HIC2: variants seen among roughly 807,000 people sequenced by gnomAD.
HIC2 encodes HIC ZBTB transcriptional repressor 2.
Under a neutral mutation model 39.5 loss-of-function variants are expected in HIC2, and 2 were observed. That is an observed-to-expected ratio of 0.05 (90% CI 0.02 to 0.16). The LOEUF is 0.16. Among genes scored for constraint, HIC2 ranks in the 10% least tolerant of loss-of-function variants. The pLI, the probability that HIC2 is intolerant of heterozygous loss-of-function variation, is 1.00. For synonymous variants in HIC2, 399 were observed against 368.8 expected (o/e 1.08, Z -0.94); for missense variants, 713 against 863.5 (o/e 0.83, Z 2.18).
chr22:21,447,010 G>A lies in HIC2; in HGVS notation c.*267G>A, dbSNP rs1923884714. 6.0e-6 allele frequency: 3 copies of A among 501,646 alleles called. No individual in the cohort carries two copies. The highest frequency in any genetic ancestry group is 7.0e-6 in the Non-Finnish European group (2 of 285,122). 31.1% of individuals were successfully genotyped at this position (501,646 alleles called of 1,614,324 possible). A position where few individuals can be genotyped will look rare whatever the true frequency, so the allele number is the denominator to read the frequency against. ...CCCCGCGGGGGCCACCGCAGGGCCT[G>A]TGGGCTGGGTCACGTGGGTCTCGCT... On this transcript the variant is annotated 3_prime_UTR_variant, in exon 3 of 3. Transcript: ENST00000407464.
At position 21,447,666 on chromosome 22, in the gene HIC2, A is replaced by G. The variant is rs1433293409; in HGVS notation, c.*923A>G. ...CTTGTTTTTTATTAAGAGAAAAACCAGTGTAACGTTTATGTGACTGTTTGA... is the reference window on the plus strand; with the variant it reads ...CTTGTTTTTTATTAAGAGAAAAACCGGTGTAACGTTTATGTGACTGTTTGA... On this transcript the variant is annotated 3_prime_UTR_variant, in exon 3 of 3. Transcript: ENST00000407464. The G allele has an allele frequency of 8.3e-6, 1 of 119,832 alleles. No homozygotes were observed. The highest frequency in any genetic ancestry group is 1.6e-5 in the Non-Finnish European group (1 of 61,912). 7.4% of individuals were successfully genotyped at this position (119,832 alleles called of 1,614,324 possible). A position where few individuals can be genotyped will look rare whatever the true frequency, so the allele number is the denominator to read the frequency against.
chr22:21,445,550 T>A lies in HIC2; in HGVS notation c.655T>A (p.Cys219Ser), dbSNP rs1467468753. 1.3e-6 allele frequency: 2 copies of A among 1,598,348 alleles called. No individual in the cohort carries two copies. The highest frequency in any genetic ancestry group is 1.3e-5 in the African/African-American group (1 of 74,078). Residue 219 changes from cysteine (C) to serine (S), a missense_variant, in exon 3 of 3, where the codon TGC becomes AGC. Coordinates refer to ENST00000407464, the MANE Select transcript of HIC2 (RefSeq NM_015094.3). ...CGTGCAAGGTCTGGGCCGGGCTGTC[T>A]GCCCAGCTGGCGGGGAGGCGGGTCT... ...DSVQGLGRAVCPAGGEAGLGG... is the reference protein window; with the variant it reads ...DSVQGLGRAVSPAGGEAGLGG...
rs770942065 is a variant in HIC2, at chr22:21,445,438, G to T, written c.543G>T (p.Gly181=). 3.3e-6 allele frequency: 5 copies of T among 1,531,590 alleles called. No homozygotes were observed. Among genetic ancestry groups the T allele is most frequent in the Non-Finnish European group, 4.4e-6 (5 of 1,145,218 alleles). 94.9% of individuals were successfully genotyped at this position (1,531,590 alleles called of 1,614,324 possible). The change falls in exon 3 of 3, where the codon GGG becomes GGT. Residue 181 remains glycine (G), a synonymous_variant. Coordinates refer to ENST00000407464, the MANE Select transcript of HIC2 (RefSeq NM_015094.3). ...CTCGGTATCAGGGGCTCGTGGATGG[G>T]CGCAAGGGGGCCCACGCCCCCCAGG... is the stretch of plus-strand genomic sequence containing the variant. ...IQARYQGLVD[G]RKGAHAPQEL...
intron 2 of HIC2, among the ~76,000 whole-genome samples, chr22:21,443,148 G>C (rs1049349221): frequency 2.0e-5 from 3 of 152,212 alleles, no homozygotes; most frequent in Non-Finnish European, 4.4e-5. Flanking sequence ...GTCCCTGCCT[G>C]GTGGGTTGAG....
In HIC2 at chr22:21,425,542, C is replaced by CTT. The variant is rs1207096707; in HGVS notation, c.-74+7998_-74+7999dup. Among the ~76,000 whole-genome samples the CTT allele has an allele frequency of 1.4e-3, 83 of 60,618 alleles. 2 individuals are homozygous for CTT. Among genetic ancestry groups the CTT allele is most frequent in the African/African-American group, 2.8e-3 (53 of 19,160 alleles). The allele number at this position is 60,618 out of a possible 152,430, so 39.8% of individuals were successfully genotyped here. A position where few individuals can be genotyped will look rare whatever the true frequency, so the allele number is the denominator to read the frequency against. On this transcript the variant is annotated intron_variant, in intron 1 of 2. Transcript: ENST00000407464. Reference sequence around the variant, plus strand: ...CGCCACCACGCCTGGTTAATTTTTTCTTTTTTTTTTTTTTTTTGAGACGGA... The same window carrying CTT: ...CGCCACCACGCCTGGTTAATTTTTTCTTTTTTTTTTTTTTTTTTTGAGACGGA...
chr22:21,443,072 C>T (rs1332297692), intron 2 of HIC2, among the ~76,000 whole-genome samples: 1 of 152,194 alleles, frequency 6.6e-6, no homozygotes, highest in East Asian at 1.9e-4. Flanking sequence ...GCAGAGCCGG[C>T]ACTGATGTTT....
rs1388756225 is a variant in HIC2 at position 21,445,788 on chromosome 22, TG to T, written c.899del (p.Gly300AlafsTer17). 1.2e-6 allele frequency: 2 copies of T among 1,601,378 alleles called. No individual in the cohort carries two copies. The highest frequency in any genetic ancestry group is 1.7e-6 in the Non-Finnish European group (2 of 1,173,884). On this transcript the variant is annotated frameshift_variant, in exon 3 of 3. Coordinates refer to ENST00000407464, the MANE Select transcript of HIC2 (RefSeq NM_015094.3). LOFTEE classifies it high-confidence loss of function. ...PVANSASYSE[L>X]GGTPDEPMDL... ...GCCAACAGTGCCTCTTATTCTGAGC[TG>T]GGGGGCACCCCTGATGAGCCCATGG... is the stretch of plus-strand genomic sequence containing the variant.
intron 1 of HIC2, among the ~76,000 whole-genome samples, chr22:21,426,437 CAGGTGTTG>C (rs1350850298): frequency 6.8e-5 from 10 of 146,994 alleles, no homozygotes; most frequent in African/African-American, 2.2e-4. Context: ...GTTGGGATTA[CAGGTGTTG>C]AGCCACTGTG....
In HIC2 at chr22:21,451,368, A is replaced by G. The variant is rs145131030; in HGVS notation, c.*4625A>G. ...AGTGTCATAGAAAAGCAATTCACCA[A>G]CGACTGATCTCTCCATTCAGAAGTG... On this transcript the variant is annotated 3_prime_UTR_variant, in exon 3 of 3. Transcript: ENST00000407464. 10 of 152,744 alleles carry G rather than the reference A, an allele frequency of 6.5e-5. No individual in the cohort carries two copies. The highest frequency in any genetic ancestry group is 2.4e-4 in the African/African-American group (10 of 41,426). 9.5% of individuals were successfully genotyped at this position (152,744 alleles called of 1,614,324 possible).
In HIC2 at chr22:21,446,763, G is replaced by A. The variant is rs778140239; in HGVS notation, c.*20G>A. On this transcript the variant is annotated 3_prime_UTR_variant, in exon 3 of 3. Transcript: ENST00000407464. ...TCCTAGAAGCCAAAGACCCGCGGGC[G>A]CCCTCTGCCACCTTGCTCCCCGGGA... 3.1e-5 allele frequency: 49 copies of A among 1,580,180 alleles called. No individual in the cohort carries two copies. In the Middle Eastern group the frequency reaches 8.8e-4, roughly 28 times the overall value.
Position 21,446,251 on chromosome 22 carries a change from C to T in HIC2, c.1356C>T (p.Pro452=), listed in dbSNP as rs1923829255. Residue 452 remains proline (P), a synonymous_variant, in exon 3 of 3, where the codon CCC becomes CCT. Coordinates refer to ENST00000407464, the MANE Select transcript of HIC2 (RefSeq NM_015094.3). ...YVCIPCAKGF[P]SSEQLNAHVE... The stretch of plus-strand genomic sequence containing the variant: ...GCATTCCCTGCGCCAAGGGCTTCCC[C>T]AGCTCTGAGCAGCTCAATGCGCACG... 1 of 1,613,066 alleles carries T rather than the reference C, an allele frequency of 6.2e-7. No individual in the cohort carries two copies. Among genetic ancestry groups the T allele is most frequent in the South Asian group, 1.1e-5 (1 of 91,094 alleles).
rs1268324218 is a variant in HIC2 at position 21,449,146 on chromosome 22, A to G, written c.*2403A>G. 1 of 152,722 alleles carries G rather than the reference A, an allele frequency of 6.5e-6. No homozygotes were observed. The highest frequency in any genetic ancestry group is 6.5e-5 in the Admixed American group (1 of 15,278). 9.5% of individuals were successfully genotyped at this position (152,722 alleles called of 1,614,324 possible). A position where few individuals can be genotyped will look rare whatever the true frequency, so the allele number is the denominator to read the frequency against. ...TTTCTGTGTTTTAATGAGAAAGCAG[A>G]ACACTAGTTTCCTATTTAAGACTTT... is the stretch of plus-strand genomic sequence containing the variant. On this transcript the variant is annotated 3_prime_UTR_variant, in exon 3 of 3. Transcript: ENST00000407464.
chr22:21,426,065 T>C (rs1923234426), intron 1 of HIC2, among the ~76,000 whole-genome samples: 1 of 152,182 alleles, frequency 6.6e-6, no homozygotes, highest in Non-Finnish European at 1.5e-5. Flanking sequence ...CAGGCTGGTC[T>C]TGAACTCCTG....
In HIC2 at chr22:21,446,290, G is replaced by A. The variant is rs757346705; in HGVS notation, c.1395G>A (p.Thr465=). 1.4e-5 allele frequency: 22 copies of A among 1,613,198 alleles called. No individual in the cohort carries two copies. The highest frequency in any genetic ancestry group is 5.3e-5 in the African/African-American group (4 of 74,912). The part of the protein sequence containing the change: ...EQLNAHVETH[T]EEELFIKEEG... Reference sequence around the variant, plus strand: ...TCAATGCGCACGTGGAGACTCACACGGAGGAAGAGCTGTTCATCAAGGAAG... The same window carrying A: ...TCAATGCGCACGTGGAGACTCACACAGAGGAAGAGCTGTTCATCAAGGAAG... The change falls in exon 3 of 3, where the codon ACG becomes ACA. Residue 465 remains threonine, a synonymous_variant. Coordinates refer to ENST00000407464, the MANE Select transcript of HIC2 (RefSeq NM_015094.3).
At chr22:21,443,647 C>G (rs982668901) in intron 2 of HIC2, among the ~76,000 whole-genome samples, 6 of 152,118 alleles carry the variant, frequency 3.9e-5, no homozygotes, top group Non-Finnish European at 8.8e-5. Context: ...TTTCACTGGC[C>G]CCCTGCCCTG....
Position 21,446,821 on chromosome 22 carries a change from G to T in HIC2, c.*78G>T. 1 of 1,525,462 alleles carries T rather than the reference G, an allele frequency of 6.6e-7. No individual in the cohort carries two copies. Among genetic ancestry groups the T allele is most frequent in the South Asian group, 1.3e-5 (1 of 77,900 alleles). The allele number at this position is 1,525,462 out of a possible 1,614,324, so 94.5% of individuals were successfully genotyped here. A position where few individuals can be genotyped will look rare whatever the true frequency, so the allele number is the denominator to read the frequency against. On this transcript the variant is annotated 3_prime_UTR_variant, in exon 3 of 3. Transcript: ENST00000407464. ...GAAGGAGAAGCGAGGTGATGCAGCA[G>T]CAGGGGCAAGACCCTGGGTCCAGTG...
intron 1 of HIC2, among the ~76,000 whole-genome samples, chr22:21,421,532 CTATT>C (rs1297497636): frequency 1.6e-5 from 1 of 63,160 alleles, no homozygotes; most frequent in African/African-American, 3.9e-5. Flanking sequence ...CTCCTTCTAA[CTATT>C]CAATTTATTT....
At position 21,446,961 on chromosome 22, in the gene HIC2, C is replaced by T. The variant is rs1381658216; in HGVS notation, c.*218C>T. On this transcript the variant is annotated 3_prime_UTR_variant, in exon 3 of 3. Transcript: ENST00000407464. ...CCAGGGGTCCCAGCCCGTCTACCTCCCCATCCCACCCAGGCCCCCAGCTCC... is the reference window on the plus strand; with the variant it reads ...CCAGGGGTCCCAGCCCGTCTACCTCTCCATCCCACCCAGGCCCCCAGCTCC... 4.6e-6 allele frequency: 3 copies of T among 653,422 alleles called. No homozygotes were observed. The highest frequency in any genetic ancestry group is 7.4e-6 in the Non-Finnish European group (3 of 402,888). The allele number at this position is 653,422 out of a possible 1,614,324, so 40.5% of individuals were successfully genotyped here.
rs747409922 is a variant in HIC2 at position 21,444,926 on chromosome 22, TGCGCGTGGGCAGG to T, written c.37_49del (p.Trp13GlyfsTer20). 3 of 1,609,522 alleles carry T rather than the reference TGCGCGTGGGCAGG, an allele frequency of 1.9e-6. No homozygotes were observed. The highest frequency in any genetic ancestry group is 1.1e-5 in the South Asian group (1 of 90,880). ...CGTGCCTGTTCTTGCCCACAGGTGG[TGCGCGTGGGCAGG>T]GCGCGGGGACATGGGGCCCGACATG... is the stretch of plus-strand genomic sequence containing the variant. On this transcript the variant is annotated frameshift_variant, in exon 3 of 3. Coordinates refer to ENST00000407464, the MANE Select transcript of HIC2 (RefSeq NM_015094.3). LOFTEE classifies it high-confidence loss of function.
Sources: gnomAD v4.1 joint callset for allele counts (sites outside exome capture counted in the v4.1 genomes callset) on GRCh38, gnomAD v4.1.1 for gene constraint, MANE v1.5 for transcripts, NCBI Gene and HGNC (gene_info 2026-07-23, HGNC 2026-07-21) for gene names.